The following PRKG1 variants were observed in gnomAD, a reference collection of about 807,000 sequenced individuals.
PRKG1 encodes the protein protein kinase cGMP-dependent 1, also known as cGMP-dependent protein kinase 1.
PRKG1 carries 35 observed loss-of-function variants against 88.1 expected under a neutral mutation model. The observed-to-expected ratio is 0.40, with a 90% confidence interval of 0.30 to 0.53. The LOEUF (loss-of-function observed/expected upper bound fraction) is 0.53, where lower values mean the gene tolerates loss of function less well. PRKG1 is among the 20% of genes least tolerant of loss of function. The pLI is 0.59. For missense variants in PRKG1, 540 were observed against 839.8 expected (o/e 0.64, Z 4.41); for synonymous variants, 303 against 292.5 (o/e 1.04, Z -0.37).
chr10:51,852,980 A>G (rs1406737776), intron 4 of PRKG1, among the ~76,000 whole-genome samples: 2 of 152,154 alleles, frequency 1.3e-5, no homozygotes, highest in African/African-American at 4.8e-5. Flanking sequence ...CCTAAGGAAA[A>G]TATATAATCT....
intron 9 of PRKG1, among the ~76,000 whole-genome samples, chr10:52,245,334 T>C (rs1405390200): frequency 6.7e-6 from 1 of 149,428 alleles, no homozygotes; most frequent in Non-Finnish European, 1.5e-5. Flanking sequence ...GATTCTGAAT[T>C]GATTTTTCCA....
intron 3 of PRKG1, among the ~76,000 whole-genome samples, chr10:51,553,549 T>C (rs1435832831): frequency 1.3e-5 from 2 of 151,578 alleles, no homozygotes; most frequent in Non-Finnish European, 3.0e-5. Context: ...TTGCTTCAAA[T>C]CTTGCCTCTT....
intron 3 of PRKG1, among the ~76,000 whole-genome samples, chr10:51,564,895 T>C (rs1837560482): frequency 6.6e-6 from 1 of 152,138 alleles, no homozygotes; most frequent in Non-Finnish European, 1.5e-5. Context: ...ACTCTTTTTT[T>C]CTTCTGTAAA....
intron 5 of PRKG1, among the ~76,000 whole-genome samples, chr10:52,036,928 G>T (rs1337862871): frequency 6.6e-6 from 1 of 152,376 alleles, no homozygotes; most frequent in African/African-American, 2.4e-5. Flanking sequence ...CCTCCGTATT[G>T]ATTAAGAAGG....
intron 3 of PRKG1, chr10:51,697,763 G>A (rs1183031303): frequency 6.2e-7 from 1 of 1,613,992 alleles, no homozygotes; most frequent in Non-Finnish European, 8.5e-7. Context: ...CCTTTGCTCA[G>A]GGGGCAGCAT....
intron 9 of PRKG1, among the ~76,000 whole-genome samples, chr10:52,171,786 A>AATT (rs1172317696): frequency 6.4e-5 from 6 of 93,860 alleles, no homozygotes; most frequent in African/African-American, 2.1e-4. Flanking sequence ...TTTTATCAAA[A>AATT]TTTTTTTTTT....
intron 2 of PRKG1, among the ~76,000 whole-genome samples, chr10:51,160,585 A>C (rs979004740): frequency 6.6e-6 from 1 of 152,208 alleles, no homozygotes; most frequent in African/African-American, 2.4e-5. Context: ...TCTCATATCC[A>C]GGACAATTTA....
At position 51,576,419 on chromosome 10, in the gene PRKG1, AATATTATATTCT is replaced by A. The variant is rs1206705390; in HGVS notation, c.592+108588_592+108599del. Among the ~76,000 whole-genome samples, 10 of 152,004 alleles carry A rather than the reference AATATTATATTCT, an allele frequency of 6.6e-5. No individual in the cohort carries two copies. The East Asian group carries it at 1.9e-3, about 29-fold the overall frequency. On this transcript the variant is annotated intron_variant, in intron 3 of 17. Transcript: ENST00000373980. The stretch of plus-strand genomic sequence containing the variant: ...TATAAAAGGATTGATATACATACAT[AATATTATATTCT>A]ATATCTCAAAAATAGCAGGGCCCTT...
intron 1 of PRKG1, among the ~76,000 whole-genome samples, chr10:51,017,635 T>A (rs1843084688): frequency 6.6e-6 from 1 of 152,146 alleles, no homozygotes; most frequent in African/African-American, 2.4e-5. Context: ...ATAAAACAGT[T>A]GCACTGACTT....
At chr10:51,035,744 C>T (rs1380231008) in intron 1 of PRKG1, among the ~76,000 whole-genome samples, 1 of 152,100 alleles carries the variant, frequency 6.6e-6, no homozygotes, top group Non-Finnish European at 1.5e-5. Context: ...ACTTGTGGAT[C>T]ATTTGGAAAC....
intron 9 of PRKG1, among the ~76,000 whole-genome samples, chr10:52,195,834 A>G (rs1839490261): frequency 6.6e-6 from 1 of 152,156 alleles, no homozygotes; most frequent in Non-Finnish European, 1.5e-5. Flanking sequence ...TAAATCAAAA[A>G]CTTATAGTCA....
chr10:52,150,398 T>C (rs1837880117), intron 8 of PRKG1, among the ~76,000 whole-genome samples: 1 of 151,920 alleles, frequency 6.6e-6, no homozygotes. Context: ...CTCGAGCAAA[T>C]TACTTAATTT....
At chr10:51,035,792 A>T (rs575924665) in intron 1 of PRKG1, among the ~76,000 whole-genome samples, 176 of 152,326 alleles carry the variant, frequency 1.2e-3, no homozygotes, top group Non-Finnish European at 2.2e-3. Context: ...AAAAAATTGA[A>T]ATCACCTATA....
chr10:51,499,651 C>A (rs1840965579), intron 3 of PRKG1, among the ~76,000 whole-genome samples: 1 of 152,124 alleles, frequency 6.6e-6, no homozygotes, highest in African/African-American at 2.4e-5. Context: ...TAGTACACAT[C>A]ACTGTGAGCC....
intron 3 of PRKG1, among the ~76,000 whole-genome samples, chr10:51,545,841 C>T (rs1372742101): frequency 6.6e-6 from 1 of 151,888 alleles, no homozygotes; most frequent in Non-Finnish European, 1.5e-5. Context: ...GATTTTTGAC[C>T]TCCCAAGTCA....
chr10:51,319,487 T>C (rs1221698284), intron 2 of PRKG1, among the ~76,000 whole-genome samples: 1 of 152,210 alleles, frequency 6.6e-6, no homozygotes, highest in East Asian at 1.9e-4. Flanking sequence ...TACTGTCAAT[T>C]TATTGTCACT....
At chr10:51,246,352 C>T (rs1839289319) in intron 2 of PRKG1, among the ~76,000 whole-genome samples, 1 of 152,040 alleles carries the variant, frequency 6.6e-6, no homozygotes, top group Non-Finnish European at 1.5e-5. Context: ...CCCACAGGAT[C>T]CAGACAGCAT....
intron 9 of PRKG1, among the ~76,000 whole-genome samples, chr10:52,229,864 A>G (rs1208563763): frequency 4.6e-5 from 7 of 152,190 alleles, no homozygotes; most frequent in Non-Finnish European, 1.0e-4. Context: ...TAAATTTCAA[A>G]AAGGGAGCCT....
intron 1 of PRKG1, among the ~76,000 whole-genome samples, chr10:50,998,117 G>A (rs1842853849): frequency 6.6e-6 from 1 of 152,116 alleles, no homozygotes. Context: ...CCCGGAAAAA[G>A]GTACTGGATT....
Sources: gnomAD v4.1 joint callset for allele counts (sites outside exome capture counted in the v4.1 genomes callset) on GRCh38, gnomAD v4.1.1 for gene constraint, MANE v1.5 for transcripts, NCBI Gene and HGNC (gene_info 2026-07-23, HGNC 2026-07-21) for gene names.